Variants in FAM184B observed in about 807,000 individuals in gnomAD.
FAM184B encodes the protein family with sequence similarity 184 member B, also known as protein FAM184B.
FAM184B carries 111 observed loss-of-function variants against 135.9 expected under a neutral mutation model. The ratio of observed to expected loss-of-function variants is 0.82; its 90% CI spans 0.70 to 0.96. The LOEUF (loss-of-function observed/expected upper bound fraction) is 0.96, where lower values mean the gene tolerates loss of function less well. Among genes scored for constraint, FAM184B ranks in the 40% least tolerant of loss-of-function variants. The pLI, the probability that FAM184B is intolerant of heterozygous loss-of-function variation, is 0.00. For missense variants in FAM184B, 1,375 were observed against 1,323.9 expected, an observed-to-expected ratio of 1.04 and a Z score of -0.60; for synonymous variants, 552 against 524.8, an observed-to-expected ratio of 1.05 and a Z score of -0.71.
chr4:17,706,545 G>A (rs1717121695), intron 3 of FAM184B, among the ~76,000 whole-genome samples: 1 of 152,172 alleles, frequency 6.6e-6, no homozygotes, highest in African/African-American at 2.4e-5. Flanking sequence ...GAGGGCCCTA[G>A]GGGAAGGCAC....
At chr4:17,769,324 T>TTATATATAAG (rs1718764746) in intron 1 of FAM184B, among the ~76,000 whole-genome samples, 1 of 152,228 alleles carries the variant, frequency 6.6e-6, no homozygotes, top group East Asian at 1.9e-4. Context: ...ATGTTAATAA[T>TTATATATAAG]TATATCACTA....
At chr4:17,697,225 G>A (rs183487151) in intron 5 of FAM184B, among the ~76,000 whole-genome samples, 2 of 152,286 alleles carry the variant, frequency 1.3e-5, no homozygotes, top group East Asian at 3.9e-4. Flanking sequence ...ATGACTGAAT[G>A]TGAGGGGTGA....
chr4:17,722,753 C>T (rs958205650), intron 1 of FAM184B, among the ~76,000 whole-genome samples: 9 of 152,144 alleles, frequency 5.9e-5, no homozygotes, highest in Non-Finnish European at 1.3e-4. Flanking sequence ...AAGGGATCAT[C>T]TTGTTTATTT....
At chr4:17,767,957 A>G (rs1718736873) in intron 1 of FAM184B, among the ~76,000 whole-genome samples, 1 of 152,114 alleles carries the variant, frequency 6.6e-6, no homozygotes, top group South Asian at 2.1e-4. Context: ...GCTTCATTCA[A>G]TCTCTGTCAT....
intron 6 of FAM184B, 50 bp from the exon 7 acceptor site, chr4:17,688,581 C>T (rs770636245): frequency 1.5e-6 from 2 of 1,354,060 alleles, no homozygotes; most frequent in East Asian, 5.0e-5. Context: ...GTTCTACCTC[C>T]TCGATACAGT....
At position 17,705,092 on chromosome 4, in the gene FAM184B, C is replaced by G. The variant is rs1309552097; in HGVS notation, c.1285G>C (p.Val429Leu). ...EEKKHLKDQL[V>L]KRLEDLVKKH... The stretch of plus-strand genomic sequence containing the variant: ...TTTACCAAGTCTTCTAGTCGCTTCA[C>G]TAGCTGGTCTTTGAGATGTTTCTTC... Residue 429 changes from valine to leucine, a missense_variant, in exon 5 of 18, where the codon GTG becomes CTG. By Grantham distance (32) the Val-to-Leu change is conservative. Coordinates refer to ENST00000265018, the MANE Select transcript of FAM184B (RefSeq NM_015688.2). 6.4e-7 allele frequency: 1 copy of G among 1,551,654 alleles called. No homozygotes were observed. The highest frequency in any genetic ancestry group is 8.7e-7 in the Non-Finnish European group (1 of 1,147,022).
At chr4:17,724,666 AAAC>A (rs1442488737) in intron 1 of FAM184B, among the ~76,000 whole-genome samples, 1 of 152,208 alleles carries the variant, frequency 6.6e-6, no homozygotes. Flanking sequence ...CACACCGCAC[AAAC>A]AACAGAGGCC....
At chr4:17,741,887 G>A (rs997151790) in intron 1 of FAM184B, among the ~76,000 whole-genome samples, 1 of 151,986 alleles carries the variant, frequency 6.6e-6, no homozygotes, top group Admixed American at 6.6e-5. Flanking sequence ...CCAGTGGTTG[G>A]GGCAAGTGGG....
At chr4:17,649,822 A>G (rs145867242) in intron 11 of FAM184B, among the ~76,000 whole-genome samples, 111 of 151,802 alleles carry the variant, frequency 7.3e-4, no homozygotes, top group Non-Finnish European at 1.4e-3. Flanking sequence ...CCATCCTTCT[A>G]TCCACCTGTC....
intron 1 of FAM184B, among the ~76,000 whole-genome samples, chr4:17,741,685 TCC>T (rs1187549311): frequency 1.3e-5 from 2 of 151,862 alleles, no homozygotes; most frequent in Non-Finnish European, 2.9e-5. Flanking sequence ...AGAGCAAGAC[TCC>T]ATCTCAAAAA....
In FAM184B at chr4:17,658,427, C is replaced by T. The variant is rs1355192602; in HGVS notation, c.1960G>A (p.Ala654Thr). ...GAAGCCTCGAGCTGGGCTTTCATGG[C>T]GTGGTTCTGCTGAGTGGTCTCCTGG... is the stretch of plus-strand genomic sequence containing the variant. ...ELQETTQQNH[A>T]MKAQLEASHQ... The change falls in exon 10 of 18, where the codon GCC becomes ACC. Residue 654 changes from alanine (A) to threonine (T), a missense_variant. Ala to Thr is a moderately conservative substitution (Grantham distance 58). Transcript: ENST00000265018. 9.7e-6 allele frequency: 15 copies of T among 1,551,608 alleles called. No homozygotes were observed. Among genetic ancestry groups the T allele is most frequent in the Middle Eastern group, 1.7e-4 (1 of 5,990 alleles).
chr4:17,748,103 G>GAAAAAAAAAAAAAA (rs58795222), intron 1 of FAM184B, among the ~76,000 whole-genome samples: 1 of 70,346 alleles, frequency 1.4e-5, no homozygotes, highest in African/African-American at 6.0e-5. Flanking sequence ...GACTCCGTCT[G>GAAAAAAAAAAAAAA]AAAAAAAAAA....
intron 15 of FAM184B, among the ~76,000 whole-genome samples, chr4:17,635,776 G>A (rs368983526): frequency 7.2e-5 from 11 of 152,100 alleles, no homozygotes; most frequent in African/African-American, 2.7e-4. Flanking sequence ...AGATACAGAA[G>A]TGAGGCAGGT....
At chr4:17,637,027 C>T (rs2108927384) in intron 14 of FAM184B, among the ~76,000 whole-genome samples, 1 of 152,140 alleles carries the variant, frequency 6.6e-6, no homozygotes, top group African/African-American at 2.4e-5. Context: ...GTACCTATGG[C>T]CTTTTTTTTC....
intron 14 of FAM184B, among the ~76,000 whole-genome samples, chr4:17,636,980 C>T (rs949085783): frequency 6.6e-6 from 1 of 152,176 alleles, no homozygotes; most frequent in Non-Finnish European, 1.5e-5. Context: ...TGCTCTGGCG[C>T]CATCTGCTGG....
At position 17,721,119 on chromosome 4, in the gene FAM184B, T is replaced by G. The variant is rs535057278; in HGVS notation, c.142-11475A>C. Among the ~76,000 whole-genome samples, 174 of 151,834 alleles carry G rather than the reference T, an allele frequency of 1.1e-3. 1 individual carries two copies. Among genetic ancestry groups the G allele is most frequent in the African/African-American group, 3.9e-3 (161 of 41,456 alleles). ...AAAAATCTCGGCTGGGCGCGGTGGC[T>G]TACGCCTGTAATCCCAGCACTTTCG... On this transcript the variant is annotated intron_variant, in intron 1 of 17. Transcript: ENST00000265018.
chr4:17,678,104 C>T (rs1218038393), intron 7 of FAM184B, among the ~76,000 whole-genome samples: 1 of 152,142 alleles, frequency 6.6e-6, no homozygotes, highest in African/African-American at 2.4e-5. Context: ...CCCCTAAGAA[C>T]TGGAACAAAA....
chr4:17,752,833 G>C (rs1718332422), intron 1 of FAM184B, among the ~76,000 whole-genome samples: 1 of 152,206 alleles, frequency 6.6e-6, no homozygotes, highest in Non-Finnish European at 1.5e-5. Flanking sequence ...ATCCAGGATA[G>C]CTGCATTTGT....
intron 1 of FAM184B, among the ~76,000 whole-genome samples, chr4:17,711,308 G>A (rs1179701269): frequency 1.3e-5 from 2 of 151,770 alleles, no homozygotes; most frequent in East Asian, 1.9e-4. Flanking sequence ...GTGAAACCCC[G>A]CCTCTACTAA....
Sources: gnomAD v4.1 joint callset for allele counts (sites outside exome capture counted in the v4.1 genomes callset) on GRCh38, gnomAD v4.1.1 for gene constraint, MANE v1.5 for transcripts, NCBI Gene and HGNC (gene_info 2026-07-23, HGNC 2026-07-21) for gene names.